Variants in WDPCP observed in about 807,000 individuals in gnomAD.
The protein encoded by WDPCP is WD repeat containing planar cell polarity effector.
In WDPCP, 71 loss-of-function variants were observed where a neutral mutation model predicts 93.1. The observed-to-expected ratio is 0.76, with a 90% CI of 0.63 to 0.93. WDPCP has a LOEUF of 0.93. WDPCP is among the 40% of genes least tolerant of loss of function. The pLI, the probability that WDPCP is intolerant of heterozygous loss-of-function variation, is 0.00. For missense variants in WDPCP, 844 were observed against 887.4 expected, an observed-to-expected ratio of 0.95 and a Z score of 0.62; for synonymous variants, 315 against 315.0, an observed-to-expected ratio of 1.00 and a Z score of 0.00.
chr2:63,252,768 C>T (rs1680840572), intron 14 of WDPCP, among the ~76,000 whole-genome samples: 1 of 152,104 alleles, frequency 6.6e-6, no homozygotes, highest in South Asian at 2.1e-4. Flanking sequence ...ACAGACGACA[C>T]CAACAAATGG....
chr2:63,717,246 G>A (rs1669351870), intron 2 of WDPCP: 3 of 536,416 alleles, frequency 5.6e-6, no homozygotes, highest in Admixed American at 2.0e-5. Context: ...CTGACCTGAT[G>A]CGTAAGAAGC....
intron 15 of WDPCP, among the ~76,000 whole-genome samples, chr2:63,164,017 C>A (rs1672801778): frequency 6.6e-6 from 1 of 152,104 alleles, no homozygotes. Context: ...AGGAAACCAA[C>A]CAGTATTGTA....
At chr2:63,352,672 C>T (rs77768807) in intron 12 of WDPCP, among the ~76,000 whole-genome samples, 2,298 of 152,242 alleles carry the variant, frequency 0.015, 64 homozygotes, top group African/African-American at 0.053. Context: ...AGGAGAAGAA[C>T]GTGGAGCCAG....
chr2:63,142,157 G>T (rs1671108650), intron 17 of WDPCP, among the ~76,000 whole-genome samples: 5 of 152,010 alleles, frequency 3.3e-5, no homozygotes. Context: ...CATCTTGGCA[G>T]TTTTCTTATT....
chr2:63,138,384 AT>A (rs34359813), intron 17 of WDPCP, among the ~76,000 whole-genome samples: 1 of 149,264 alleles, frequency 6.7e-6, no homozygotes, highest in Non-Finnish European at 1.5e-5. Flanking sequence ...TTGCTATTTT[AT>A]TTTAATTAAT....
At chr2:63,679,337 T>A (rs1338552886) in intron 2 of WDPCP, among the ~76,000 whole-genome samples, 1 of 152,184 alleles carries the variant, frequency 6.6e-6, no homozygotes, top group African/African-American at 2.4e-5. Context: ...GTGTACAGTG[T>A]GTGGAGAATT....
chr2:63,658,599 A>C (rs1424203271), intron 2 of WDPCP, among the ~76,000 whole-genome samples: 1 of 152,246 alleles, frequency 6.6e-6, no homozygotes, highest in Non-Finnish European at 1.5e-5. Context: ...TCAGAAAATC[A>C]AAACATTATG....
At chr2:63,460,335 G>T (rs185227038) in intron 6 of WDPCP, among the ~76,000 whole-genome samples, 2 of 152,150 alleles carry the variant, frequency 1.3e-5, no homozygotes, top group South Asian at 4.1e-4. Context: ...ACTGGGAATC[G>T]GGGGTGGGGG....
chr2:63,784,253 TC>T (rs1482605265), intron 2 of WDPCP, among the ~76,000 whole-genome samples: 1 of 151,856 alleles, frequency 6.6e-6, no homozygotes, highest in Non-Finnish European at 1.5e-5. Context: ...ATCAAGAAGG[TC>T]CCAGGAAAGG....
At chr2:63,307,767 A>C (rs1282210518) in intron 13 of WDPCP, among the ~76,000 whole-genome samples, 1 of 152,250 alleles carries the variant, frequency 6.6e-6, no homozygotes, top group Non-Finnish European at 1.5e-5. Context: ...AAAACCATAA[A>C]AACCCTAGAA....
chr2:63,417,516 T>C (rs1695523769), intron 9 of WDPCP, among the ~76,000 whole-genome samples: 1 of 151,766 alleles, frequency 6.6e-6, no homozygotes, highest in Admixed American at 6.6e-5. Flanking sequence ...TTTCTATGTC[T>C]ATGAAATAAT....
chr2:63,762,043 T>C (rs528419891), intron 2 of WDPCP, among the ~76,000 whole-genome samples: 2 of 152,338 alleles, frequency 1.3e-5, no homozygotes, highest in East Asian at 1.9e-4. Flanking sequence ...TTCAAGACCA[T>C]TGCAAGATTG....
At chr2:63,304,101 A>G (rs1008469020) in intron 13 of WDPCP, among the ~76,000 whole-genome samples, 2 of 152,186 alleles carry the variant, frequency 1.3e-5, no homozygotes, top group Non-Finnish European at 2.9e-5. Flanking sequence ...AACTAAAAAT[A>G]AAACTACCAT....
intron 2 of WDPCP, among the ~76,000 whole-genome samples, chr2:63,811,288 C>CA (rs1670859232): frequency 6.6e-6 from 1 of 152,166 alleles, no homozygotes; most frequent in African/African-American, 2.4e-5. Context: ...TAAAATACGG[C>CA]AAAGGTGATG....
At chr2:63,434,104 A>T (rs1487170432) in intron 8 of WDPCP, among the ~76,000 whole-genome samples, 168 bp from the exon 9 acceptor site, 1 of 152,220 alleles carries the variant, frequency 6.6e-6, no homozygotes, top group Non-Finnish European at 1.5e-5. Flanking sequence ...TCTGACACAT[A>T]TATAAAAAAG....
At chr2:63,528,071 G>GT (rs988179167) in intron 1 of WDPCP, among the ~76,000 whole-genome samples, 2 of 152,016 alleles carry the variant, frequency 1.3e-5, no homozygotes, top group Middle Eastern at 3.4e-3. Context: ...GGGTTTATTT[G>GT]TTTTTTTCTT....
chr2:63,701,016 T>C (rs1669040473), intron 2 of WDPCP, among the ~76,000 whole-genome samples: 1 of 152,120 alleles, frequency 6.6e-6, no homozygotes, highest in Non-Finnish European at 1.5e-5. Context: ...AAAAGACAAA[T>C]GAGATTACAT....
At chr2:63,622,262 C>T (rs1709750260) in intron 3 of WDPCP, 5 of 1,610,622 alleles carry the variant, frequency 3.1e-6, no homozygotes, top group Non-Finnish European at 2.5e-6. Context: ...CCAGTGCCGT[C>T]TCCTCTGCCT....
upstream of WDPCP, chr2:63,589,148 T>G: frequency 6.2e-7 from 1 of 1,613,060 alleles, no homozygotes. Context: ...TGCAAGGCAC[T>G]GTCCTTCGCG....
Sources: allele counts gnomAD v4.1 joint callset (sites outside exome capture counted in the v4.1 genomes callset), GRCh38; gene constraint gnomAD v4.1.1; transcripts MANE v1.5; gene names NCBI Gene and HGNC (gene_info 2026-07-23, HGNC 2026-07-21).